ESR1: variants seen among roughly 807,000 people sequenced by gnomAD.
ESR1 encodes estrogen receptor.
Under a neutral mutation model 52.7 loss-of-function variants are expected in ESR1, and 12 were observed. The ratio of observed to expected loss-of-function variants is 0.23; its 90% CI spans 0.15 to 0.37. The LOEUF is 0.37. ESR1 is among the 10% of genes least tolerant of loss of function. The probability of loss-of-function intolerance (pLI) is 1.00; values close to 1 mark genes in which losing one functional copy is unlikely to be tolerated. For missense variants in ESR1, 584 were observed against 779.7 expected, an observed-to-expected ratio of 0.75 and a Z score of 2.99; for synonymous variants, 305 against 316.8, an observed-to-expected ratio of 0.96 and a Z score of 0.39.
chr6:152,029,381 TA>T, intron 5 of ESR1, among the ~76,000 whole-genome samples: 1 of 152,240 alleles, frequency 6.6e-6, no homozygotes, highest in African/African-American at 2.4e-5. Flanking sequence ...GCAAAGAAGT[TA>T]AAAACCTTGA....
In ESR1 at chr6:152,125,564, C is replaced by G. The variant is rs532458047; in HGVS notation, c.*216C>G. On this transcript the variant is annotated 3_prime_UTR_variant, in exon 7 of 7. Transcript: ENST00000427531. ...CACAAACTTTGGATCAAATTTTCTT[C>G]AAAACATCCTTCCCCTGACTTTAAA... 1.7e-5 allele frequency: 9 copies of G among 541,450 alleles called. No homozygotes were observed. The South Asian group carries it at 4.3e-4, about 26-fold the overall frequency. 33.5% of individuals were successfully genotyped at this position (541,450 alleles called of 1,614,324 possible).
intron 6 of ESR1, among the ~76,000 whole-genome samples, chr6:152,113,613 TAAAAA>T (rs1201725386): frequency 6.6e-6 from 1 of 151,852 alleles, no homozygotes; most frequent in African/African-American, 2.4e-5. Context: ...ACCACAATCT[TAAAAA>T]AGAAAGAAAC....
Position 151,753,510 on chromosome 6 carries a change from G to C in ESR1, c.-71+51505G>C, listed in dbSNP as rs1168911107. On this transcript the variant is annotated intron_variant, in intron 2 of 2. Transcript: ENST00000404742. The stretch of plus-strand genomic sequence containing the variant: ...TTTTTGTATTTTTAGTAGAGGCAAG[G>C]TTTCACCGTGTTGACTAGGGTGGTC... Among the ~76,000 whole-genome samples the C allele has an allele frequency of 2.6e-5, 4 of 152,156 alleles. No homozygotes were observed. In the East Asian group the frequency reaches 5.8e-4, roughly 22 times the overall value.
intron 2 of ESR1, among the ~76,000 whole-genome samples, chr6:151,780,579 C>A (rs924125518): frequency 2.0e-5 from 3 of 152,164 alleles, no homozygotes; most frequent in African/African-American, 7.2e-5. Context: ...AAACTCCTCT[C>A]ATGATTCTAA....
chr6:152,029,355 G>T (rs556341865), intron 5 of ESR1, among the ~76,000 whole-genome samples: 16 of 152,166 alleles, frequency 1.1e-4, no homozygotes, highest in Non-Finnish European at 2.1e-4. Context: ...ACTAAAGGAG[G>T]AAGTTCGAAC....
At chr6:151,813,591 A>C (rs1779164774) in intron 1 of ESR1, 1 of 152,244 alleles carries the variant, frequency 6.6e-6, no homozygotes, top group South Asian at 2.1e-4. Flanking sequence ...AAACTTATTA[A>C]GTACCTATAA....
chr6:152,007,443 G>T (rs2042418069), intron 4 of ESR1, among the ~76,000 whole-genome samples: 1 of 151,978 alleles, frequency 6.6e-6, no homozygotes, highest in South Asian at 2.1e-4. Context: ...CCATGAAAGA[G>T]ACTCCCCTCA....
At chr6:151,968,324 G>A (rs2038514367) in intron 4 of ESR1, among the ~76,000 whole-genome samples, 3 of 152,094 alleles carry the variant, frequency 2.0e-5, no homozygotes, top group Non-Finnish European at 1.5e-5. Context: ...AACCCTAGAA[G>A]AAAACCTAGG....
chr6:152,129,289 CTCG>C (rs1166515228), exon 7 of ESR1: 1 of 152,248 alleles, frequency 6.6e-6, no homozygotes, highest in Non-Finnish European at 1.5e-5. Context: ...TTTCCCCCTT[CTCG>C]TCACTATCAT....
rs150352352 is a variant in ESR1, at chr6:152,027,865, C to T, written c.1235+16071C>T. Among the ~76,000 whole-genome samples, 890 of 151,938 alleles carry T rather than the reference C, an allele frequency of 5.9e-3. 4 individuals carry two copies. The highest frequency in any genetic ancestry group is 6.7e-3 in the Non-Finnish European group (455 of 67,908). ...ATAGTTTTAAATATTTGTTTGGGGG[C>T]GGGTGCGGTGGCTCATGCCTGTAAT... is the stretch of plus-strand genomic sequence containing the variant. On this transcript the variant is annotated intron_variant, in intron 5 of 7. Coordinates refer to ENST00000206249, the MANE Select transcript of ESR1 (RefSeq NM_000125.4).
upstream of ESR1, chr6:151,804,582 C>T (rs1247002774): frequency 4.6e-5 from 7 of 152,196 alleles, no homozygotes; most frequent in African/African-American, 1.4e-4. Context: ...CACTGCAATA[C>T]TGGGGGTCTT....
At chr6:152,027,244 T>G (rs374460771) in intron 5 of ESR1, among the ~76,000 whole-genome samples, 2 of 152,064 alleles carry the variant, frequency 1.3e-5, no homozygotes, top group African/African-American at 4.8e-5. Context: ...GGATTACAGG[T>G]GTAAGCCACC....
At chr6:151,920,315 T>G (rs1376960892) in intron 3 of ESR1, among the ~76,000 whole-genome samples, 1 of 150,120 alleles carries the variant, frequency 6.7e-6, no homozygotes, top group African/African-American at 2.5e-5. Context: ...TTTTTTTTTT[T>G]GAAGAAAGCA....
intron 4 of ESR1, among the ~76,000 whole-genome samples, chr6:151,976,161 C>T (rs2039418223): frequency 6.6e-6 from 1 of 151,702 alleles, no homozygotes. Flanking sequence ...TTTTTTAATG[C>T]TCAATAAAAG....
rs189106014 is a variant in ESR1 at position 151,933,744 on chromosome 6, A to G, written c.761-10429A>G. Reference sequence around the variant, plus strand: ...GTTTTTGTCTTTGTAGAGCCCTCAAATTCCTAATCACAATTGTTTATCTCT... The same window carrying G: ...GTTTTTGTCTTTGTAGAGCCCTCAAGTTCCTAATCACAATTGTTTATCTCT... On this transcript the variant is annotated intron_variant, in intron 3 of 7. Transcript: ENST00000206249. 2.7e-4 allele frequency among the ~76,000 whole-genome samples: 41 copies of G among 152,302 alleles called. No individual in the cohort carries two copies. The East Asian group carries it at 3.5e-3, about 13-fold the overall frequency.
At chr6:151,778,872 G>T (rs900997766) in intron 2 of ESR1, among the ~76,000 whole-genome samples, 2 of 151,966 alleles carry the variant, frequency 1.3e-5, no homozygotes, top group African/African-American at 4.8e-5. Context: ...AGTTCTCCTG[G>T]GTAAGCACCT....
intron 3 of ESR1, among the ~76,000 whole-genome samples, chr6:151,909,440 G>T (rs907196418): frequency 1.2e-4 from 19 of 152,192 alleles, no homozygotes; most frequent in African/African-American, 4.6e-4. Flanking sequence ...AACAGAACTG[G>T]CTTCAGAAAG....
rs1279040544 is a variant in ESR1, at chr6:152,100,419, C to T, written c.*1453C>T. 3 of 278,224 alleles carry T rather than the reference C, an allele frequency of 1.1e-5. No homozygotes were observed. Among genetic ancestry groups the T allele is most frequent in the African/African-American group, 4.3e-5 (2 of 46,608 alleles). The allele number at this position is 278,224 out of a possible 1,614,324, so 17.2% of individuals were successfully genotyped here. Reference sequence around the variant, plus strand: ...GAAAATCCTCCCCCTTCCTCCCCCGCCCCGTTCCCTACCGCCTCCACTCCT... The same window carrying T: ...GAAAATCCTCCCCCTTCCTCCCCCGTCCCGTTCCCTACCGCCTCCACTCCT... On this transcript the variant is annotated 3_prime_UTR_variant, in exon 8 of 8. Transcript: ENST00000206249.
At chr6:151,756,544 G>GTC (rs1241687504) in intron 2 of ESR1, among the ~76,000 whole-genome samples, 2 of 152,094 alleles carry the variant, frequency 1.3e-5, no homozygotes, top group Admixed American at 1.3e-4. Context: ...TTATTTGTCT[G>GTC]TCTCTCTACA....
Sources: gnomAD v4.1 joint callset for allele counts (sites outside exome capture counted in the v4.1 genomes callset) on GRCh38, gnomAD v4.1.1 for gene constraint, MANE v1.5 for transcripts, NCBI Gene and HGNC (gene_info 2026-07-23, HGNC 2026-07-21) for gene names.